Variants in SLC24A3 observed in about 807,000 individuals in gnomAD.
The protein encoded by SLC24A3 is sodium/potassium/calcium exchanger 3.
SLC24A3 carries 28 observed loss-of-function variants against 75.8 expected under a neutral mutation model. The ratio of observed to expected loss-of-function variants is 0.37; its 90% CI spans 0.27 to 0.51. The LOEUF is 0.51. Among genes scored for constraint, SLC24A3 ranks in the 20% least tolerant of loss-of-function variants. The probability of loss-of-function intolerance (pLI) is 0.94; values close to 1 mark genes in which losing one functional copy is unlikely to be tolerated. For missense variants in SLC24A3, 663 were observed against 847.8 expected (o/e 0.78, Z 2.71); for synonymous variants, 372 against 334.1 (o/e 1.11, Z -1.24).
At chr20:19,581,184 C>A (rs556576227) in intron 4 of SLC24A3, among the ~76,000 whole-genome samples, 1 of 152,304 alleles carries the variant, frequency 6.6e-6, no homozygotes, top group South Asian at 2.1e-4. Context: ...GCACAGTGGG[C>A]AGGTGTGGAA....
At chr20:19,467,647 G>A (rs186229252) in intron 2 of SLC24A3, among the ~76,000 whole-genome samples, 14 of 152,238 alleles carry the variant, frequency 9.2e-5, no homozygotes, top group African/African-American at 2.6e-4. Context: ...TTGAGAGCCC[G>A]AGGAGTGTGG....
Position 19,279,924 on chromosome 20 carries a change from C to T in SLC24A3, c.143-1035C>T, listed in dbSNP as rs577173700. ...ATGGGTCGAGCACCACGGCATCTGCCTATCTACACGGTACCTAAAGAGAGA... is the reference window on the plus strand; with the variant it reads ...ATGGGTCGAGCACCACGGCATCTGCTTATCTACACGGTACCTAAAGAGAGA... On this transcript the variant is annotated intron_variant, in intron 1 of 16. Coordinates refer to ENST00000328041, the MANE Select transcript of SLC24A3 (RefSeq NM_020689.4). Among the ~76,000 whole-genome samples, 6 of 152,050 alleles carry T rather than the reference C, an allele frequency of 3.9e-5. No homozygotes were observed. In the East Asian group the frequency reaches 1.2e-3, roughly 30 times the overall value.
intron 2 of SLC24A3, among the ~76,000 whole-genome samples, chr20:19,288,850 T>C (rs956711293): frequency 6.6e-6 from 1 of 152,224 alleles, no homozygotes; most frequent in Non-Finnish European, 1.5e-5. Flanking sequence ...TAAAGTTTTA[T>C]TGGAACACAG....
At chr20:19,353,708 C>A (rs1352238655) in intron 2 of SLC24A3, among the ~76,000 whole-genome samples, 1 of 152,134 alleles carries the variant, frequency 6.6e-6, no homozygotes, top group Non-Finnish European at 1.5e-5. Flanking sequence ...AATGCATGAC[C>A]TGATACACTC....
intron 2 of SLC24A3, among the ~76,000 whole-genome samples, chr20:19,306,051 A>C (rs1984319818): frequency 6.6e-6 from 1 of 152,250 alleles, no homozygotes; most frequent in Non-Finnish European, 1.5e-5. Context: ...TAACCCATTA[A>C]AAATGGGTAA....
At chr20:19,610,581 A>G (rs2031659737) in intron 6 of SLC24A3, among the ~76,000 whole-genome samples, 1 of 152,214 alleles carries the variant, frequency 6.6e-6, no homozygotes, top group South Asian at 2.1e-4. Flanking sequence ...AGAGCAGTTA[A>G]TTTATTTGGG....
At chr20:19,293,000 T>G (rs1261332997) in intron 2 of SLC24A3, among the ~76,000 whole-genome samples, 2 of 152,126 alleles carry the variant, frequency 1.3e-5, no homozygotes, top group Non-Finnish European at 2.9e-5. Flanking sequence ...TACCTCCTAA[T>G]CACCTTGCCA....
intron 2 of SLC24A3, among the ~76,000 whole-genome samples, chr20:19,320,310 G>C (rs1984679981): frequency 6.6e-6 from 1 of 152,214 alleles, no homozygotes; most frequent in Admixed American, 6.5e-5. Flanking sequence ...AAATTAACAT[G>C]AGGGGATGCC....
At chr20:19,248,368 A>C (rs1982555765) in intron 1 of SLC24A3, among the ~76,000 whole-genome samples, 1 of 152,324 alleles carries the variant, frequency 6.6e-6, no homozygotes, top group Non-Finnish European at 1.5e-5. Context: ...ATAATTAATA[A>C]AAAAATGACG....
In SLC24A3 at chr20:19,660,178, G is replaced by T. The variant is rs149722657; in HGVS notation, c.688-5686G>T. ...GCTTTTGAGGTACGTGTGGTTTTTG[G>T]TTACATGGATGAATTATATAGTGGT... is the stretch of plus-strand genomic sequence containing the variant. On this transcript the variant is annotated intron_variant, in intron 7 of 16. Transcript: ENST00000328041. Among the ~76,000 whole-genome samples the T allele has an allele frequency of 3.3e-3, 495 of 152,096 alleles. 3 individuals are homozygous for T. The highest frequency in any genetic ancestry group is 0.011 in the African/African-American group (452 of 41,490).
rs188183411 is a variant in SLC24A3 at position 19,232,910 on chromosome 20, C to T, written c.142+19926C>T. Among the ~76,000 whole-genome samples the T allele has an allele frequency of 9.2e-5, 14 of 152,210 alleles. No individual in the cohort carries two copies. In the East Asian group the frequency reaches 1.9e-3, roughly 21 times the overall value. On this transcript the variant is annotated intron_variant, in intron 1 of 16. Transcript: ENST00000328041. ...AGTGTAGGCAAAAGCGTAGTATGAACGGGACAATGATGGCAAAGGAGGAGC... is the reference window on the plus strand; with the variant it reads ...AGTGTAGGCAAAAGCGTAGTATGAATGGGACAATGATGGCAAAGGAGGAGC...
Position 19,389,740 on chromosome 20 carries a change from C to T in SLC24A3, c.271+108653C>T, listed in dbSNP as rs566145853. Among the ~76,000 whole-genome samples the T allele has an allele frequency of 1.1e-4, 16 of 152,224 alleles. No homozygotes were observed. In the East Asian group the frequency reaches 2.9e-3, roughly 28 times the overall value. On this transcript the variant is annotated intron_variant, in intron 2 of 16. Transcript: ENST00000328041. ...CTTTATCTTTAATATATTTGGGGCT[C>T]TTTGGAATTTATATATCTGAATATT...
intron 12 of SLC24A3, among the ~76,000 whole-genome samples, chr20:19,686,585 TTTGA>T (rs2032678544): frequency 6.6e-6 from 1 of 152,158 alleles, no homozygotes; most frequent in Non-Finnish European, 1.5e-5. Flanking sequence ...TGAAGAAACG[TTTGA>T]TTGACTTGAA....
Position 19,377,640 on chromosome 20 carries a change from C to T in SLC24A3, c.271+96553C>T, listed in dbSNP as rs534323194. The stretch of plus-strand genomic sequence containing the variant: ...TGCACGCTTAAAATCTGTGCATATT[C>T]TTGCATGGAAATTATCCCTCAATGA... On this transcript the variant is annotated intron_variant, in intron 2 of 16. Transcript: ENST00000328041. 1.0e-3 allele frequency among the ~76,000 whole-genome samples: 153 copies of T among 152,300 alleles called. No homozygotes were observed. The Middle Eastern group carries it at 0.034, about 34-fold the overall frequency.
At position 19,281,212 on chromosome 20, in the gene SLC24A3, G is replaced by A. The variant is rs113284807; in HGVS notation, c.271+125G>A. ...AAAGCCTCCAAAGATGTTTAGGATG[G>A]GAGTCTAAGAAACTTTCAGGTGACA... On this transcript the variant is annotated intron_variant, in intron 2 of 16. Transcript: ENST00000328041. 356 of 1,399,952 alleles carry A rather than the reference G, an allele frequency of 2.5e-4. 1 individual carries two copies. In the African/African-American group the frequency reaches 4.5e-3, roughly 18 times the overall value. The allele number at this position is 1,399,952 out of a possible 1,614,324, so 86.7% of individuals were successfully genotyped here. A position where few individuals can be genotyped will look rare whatever the true frequency, so the allele number is the denominator to read the frequency against.
intron 3 of SLC24A3, among the ~76,000 whole-genome samples, chr20:19,561,230 T>A (rs2122610731): frequency 6.6e-6 from 1 of 152,324 alleles, no homozygotes; most frequent in Non-Finnish European, 1.5e-5. Flanking sequence ...GGCTCTGTCT[T>A]CTCCACTGGG....
chr20:19,300,040 T>C (rs1194966654), intron 2 of SLC24A3, among the ~76,000 whole-genome samples: 1 of 152,122 alleles, frequency 6.6e-6, no homozygotes, highest in Non-Finnish European at 1.5e-5. Context: ...CAATGAGAGG[T>C]AATTCCTGCT....
At chr20:19,319,298 T>C (rs1984654070) in intron 2 of SLC24A3, among the ~76,000 whole-genome samples, 1 of 152,206 alleles carries the variant, frequency 6.6e-6, no homozygotes, top group South Asian at 2.1e-4. Flanking sequence ...AAAGTGTATC[T>C]CAAGTAAGCA....
At chr20:19,654,227 T>A in intron 7 of SLC24A3, 91 bp downstream of exon 7, 2 of 1,199,802 alleles carry the variant, frequency 1.7e-6, no homozygotes, top group Non-Finnish European at 2.4e-6. Context: ...TCACTCGAGG[T>A]CACCGGTGGC....
Sources: allele counts gnomAD v4.1 joint callset (sites outside exome capture counted in the v4.1 genomes callset), GRCh38; gene constraint gnomAD v4.1.1; transcripts MANE v1.5; gene names NCBI Gene and HGNC (gene_info 2026-07-23, HGNC 2026-07-21).